Variants in ITGA6 observed in about 807,000 individuals in gnomAD.
ITGA6 encodes integrin subunit alpha 6.
A neutral mutation model predicts 133.6 loss-of-function variants in ITGA6; 63 were observed. That is an observed-to-expected ratio of 0.47 (90% CI 0.38 to 0.58). The LOEUF is 0.58. Among genes scored for constraint, ITGA6 ranks in the 20% least tolerant of loss-of-function variants. The probability of loss-of-function intolerance (pLI) is 0.00; values close to 1 mark genes in which losing one functional copy is unlikely to be tolerated. For synonymous variants in ITGA6, 434 were observed against 482.0 expected, an observed-to-expected ratio of 0.90 and a Z score of 1.30; for missense variants, 1,068 against 1,309.4, an observed-to-expected ratio of 0.82 and a Z score of 2.85.
chr2:172,476,376 G>A lies in ITGA6; in HGVS notation c.1270-19G>A. The A allele has an allele frequency of 7.9e-7, 1 of 1,268,718 alleles. No individual in the cohort carries two copies. The highest frequency in any genetic ancestry group is 1.2e-6 in the Non-Finnish European group (1 of 865,056). 78.6% of individuals were successfully genotyped at this position (1,268,718 alleles called of 1,614,324 possible). On this transcript the variant is annotated intron_variant, in intron 8 of 25. Transcript: ENST00000684293. Reference sequence around the variant, plus strand: ...ATGGTGATAACCTAATGTCCATTCGGATGCCCTGTGTATTTCAGGTTCTCA... The same window carrying A: ...ATGGTGATAACCTAATGTCCATTCGAATGCCCTGTGTATTTCAGGTTCTCA...
intron 1 of ITGA6, among the ~76,000 whole-genome samples, chr2:172,449,049 T>C (rs1180339697): frequency 3.3e-5 from 5 of 152,106 alleles, no homozygotes; most frequent in African/African-American, 1.2e-4. Flanking sequence ...AGCACAGGCG[T>C]CAAAGTCCTT....
At chr2:172,478,650 T>C (rs1344184957) in intron 9 of ITGA6, among the ~76,000 whole-genome samples, 1 of 152,194 alleles carries the variant, frequency 6.6e-6, no homozygotes. Flanking sequence ...GGGCGTGGAA[T>C]TGGATTCCAG....
chr2:172,482,949 G>T (rs1686511266), intron 11 of ITGA6, among the ~76,000 whole-genome samples: 2 of 152,200 alleles, frequency 1.3e-5, no homozygotes, highest in South Asian at 2.1e-4. Context: ...TGTCTATCAG[G>T]TGTTGTGCTA....
chr2:172,499,108 T>C (rs1165037244), intron 24 of ITGA6, among the ~76,000 whole-genome samples: 2 of 152,172 alleles, frequency 1.3e-5, no homozygotes, highest in East Asian at 1.9e-4. Flanking sequence ...TCCAAAAATA[T>C]AATACATAAG....
chr2:172,457,689 G>A (rs964561175), intron 1 of ITGA6, among the ~76,000 whole-genome samples: 1 of 152,164 alleles, frequency 6.6e-6, no homozygotes, highest in African/African-American at 2.4e-5. Context: ...CATAGTATGT[G>A]AGGAGTGGTA....
chr2:172,462,016 C>G (rs1685445269), intron 1 of ITGA6, among the ~76,000 whole-genome samples: 1 of 152,224 alleles, frequency 6.6e-6, no homozygotes, highest in Non-Finnish European at 1.5e-5. Flanking sequence ...AAGGCTGGTT[C>G]CAGGCGAATT....
At chr2:172,452,022 T>C (rs548146267) in intron 1 of ITGA6, among the ~76,000 whole-genome samples, 1 of 152,168 alleles carries the variant, frequency 6.6e-6, no homozygotes, top group East Asian at 1.9e-4. Context: ...TTTGGTAATT[T>C]TACCTATTAA....
chr2:172,501,696 A>G, intron 24 of ITGA6, 76 bp from the exon 25 acceptor site: 5 of 1,479,268 alleles, frequency 3.4e-6, no homozygotes, highest in Non-Finnish European at 3.7e-6. Context: ...AAGGCAGATT[A>G]AAATTTGAGA....
At chr2:172,492,108 G>A (rs572365590) in intron 23 of ITGA6, among the ~76,000 whole-genome samples, 1 of 152,232 alleles carries the variant, frequency 6.6e-6, no homozygotes, top group Admixed American at 6.5e-5. Context: ...ACTGGCTCCT[G>A]GCCTCTCCCT....
intron 11 of ITGA6, among the ~76,000 whole-genome samples, chr2:172,482,190 G>A (rs1686475094): frequency 6.6e-6 from 1 of 152,184 alleles, no homozygotes; most frequent in South Asian, 2.1e-4. Context: ...TTTATGTTAT[G>A]TAGCTACTCC....
Position 172,504,079 on chromosome 2 carries a change from C to A in ITGA6, c.*23-12C>A. 6.4e-7 allele frequency: 1 copy of A among 1,552,348 alleles called. No homozygotes were observed. Among genetic ancestry groups the A allele is most frequent in the Non-Finnish European group, 8.7e-7 (1 of 1,150,550 alleles). ...ATTAATTTGTTTCTCTTTCTCTTTC[C>A]CTCTTCTCTAGTGTGGATTCTTTAA... On this transcript the variant is annotated splice_polypyrimidine_tract_variant and intron_variant, in intron 25 of 25. Transcript: ENST00000684293.
chr2:172,429,328 G>A, intron 1 of ITGA6, among the ~76,000 whole-genome samples: 1 of 152,170 alleles, frequency 6.6e-6, no homozygotes, highest in African/African-American at 2.4e-5. Flanking sequence ...CTGTAAATCT[G>A]AAATGAAAGG....
In ITGA6 at chr2:172,489,557, A is replaced by C. The variant is rs369890727; in HGVS notation, c.2578A>C (p.Ser860Arg). The change falls in exon 20 of 26, where the codon AGC becomes CGC. Residue 860 changes from serine to arginine, a missense_variant. This residue lies in a region of ITGA6 where 609 missense variants were observed against 707.2 expected (regional missense o/e 0.86). Coordinates refer to ENST00000684293, the MANE Select transcript of ITGA6 (RefSeq NM_000210.4). ...GAACATTCAGTGGCCAAAAGAAATT[A>C]GCAATGGGAAATGGTTGCTTTATTT... ...TLNIQWPKEI[S>R]NGKWLLYLVK... is the part of the protein sequence containing the mutation. The C allele has an allele frequency of 8.1e-6, 13 of 1,613,960 alleles. No homozygotes were observed. In the African/African-American group the frequency reaches 1.6e-4, roughly 20 times the overall value.
At chr2:172,454,373 G>A (rs976564421) in intron 1 of ITGA6, among the ~76,000 whole-genome samples, 10 of 152,104 alleles carry the variant, frequency 6.6e-5, no homozygotes, top group Middle Eastern at 3.2e-3. Context: ...GGGTGAGTAG[G>A]AGGATGCCTG....
chr2:172,497,915 C>T, intron 23 of ITGA6, 60 bp from the exon 24 acceptor site: 1 of 1,596,752 alleles, frequency 6.3e-7, no homozygotes, highest in Non-Finnish European at 8.6e-7. Context: ...GAACCATAAA[C>T]TCCTGGTGTG....
At chr2:172,476,653 G>A in intron 9 of ITGA6, 140 bp downstream of exon 9, 1 of 669,236 alleles carries the variant, frequency 1.5e-6, no homozygotes, top group Admixed American at 2.3e-5. Context: ...TTCTTTTGAA[G>A]TTAGTAAACA....
intron 23 of ITGA6, among the ~76,000 whole-genome samples, chr2:172,494,728 G>T (rs1315917421): frequency 6.6e-6 from 1 of 152,138 alleles, no homozygotes; most frequent in Non-Finnish European, 1.5e-5. Flanking sequence ...CAACTGTTAA[G>T]AATGTCATGC....
intron 1 of ITGA6, among the ~76,000 whole-genome samples, chr2:172,434,814 T>C (rs959263141): frequency 1.3e-5 from 2 of 152,034 alleles, no homozygotes; most frequent in Non-Finnish European, 2.9e-5. Context: ...AAGAAAAGCC[T>C]TTGAGAGAAA....
intron 1 of ITGA6, among the ~76,000 whole-genome samples, chr2:172,452,374 GC>G (rs1685042908): frequency 6.6e-6 from 1 of 152,210 alleles, no homozygotes; most frequent in Admixed American, 6.5e-5. Flanking sequence ...AAAGGTGTGA[GC>G]AGCAACAAAG....
Sources: allele counts gnomAD v4.1 joint callset (sites outside exome capture counted in the v4.1 genomes callset), GRCh38; gene constraint gnomAD v4.1.1; regional missense constraint gnomAD v4.1.1; transcripts MANE v1.5; gene names NCBI Gene and HGNC (gene_info 2026-07-23, HGNC 2026-07-21).